Variants in UBE2E1 observed in about 807,000 individuals in gnomAD.
UBE2E1 encodes ubiquitin-conjugating enzyme E2 E1.
In UBE2E1, 6 loss-of-function variants were observed where a neutral mutation model predicts 21.4. The observed-to-expected ratio is 0.28, with a 90% CI of 0.15 to 0.55. The LOEUF (loss-of-function observed/expected upper bound fraction) is 0.55, where lower values mean the gene tolerates loss of function less well. Among genes scored for constraint, UBE2E1 ranks in the 20% least tolerant of loss-of-function variants. UBE2E1 has a pLI of 0.93. For synonymous variants in UBE2E1, 87 were observed against 82.7 expected (o/e 1.05, Z -0.28); for missense variants, 142 against 236.5 (o/e 0.60, Z 2.62).
In UBE2E1 at chr3:23,806,196, AG is replaced by A. The variant is rs1699261266; in HGVS notation, c.-34+111del. ...CGCGCCGCCGGGGCCGCCGGGCCGCAGGGCACGGGGCCGGCGCGGGGGGGGA... is the reference window on the plus strand; with the variant it reads ...CGCGCCGCCGGGGCCGCCGGGCCGCAGGCACGGGGCCGGCGCGGGGGGGGA... On this transcript the variant is annotated intron_variant, in intron 1 of 5. Coordinates refer to ENST00000306627, the MANE Select transcript of UBE2E1 (RefSeq NM_003341.5). The surrounding 1 kb of genome is among the most constrained non-coding windows in gnomAD (Gnocchi z 6.5). 1 of 143,938 alleles carries A rather than the reference AG, an allele frequency of 6.9e-6. No individual in the cohort carries two copies. Among genetic ancestry groups the A allele is most frequent in the African/African-American group, 2.5e-5 (1 of 39,540 alleles). 8.9% of individuals were successfully genotyped at this position (143,938 alleles called of 1,614,324 possible). A position where few individuals can be genotyped will look rare whatever the true frequency, so the allele number is the denominator to read the frequency against.
In UBE2E1 at chr3:23,836,299, A is replaced by T. The variant is rs1234324601; in HGVS notation, c.203+24789A>T. On this transcript the variant is annotated intron_variant, in intron 3 of 5. Coordinates refer to ENST00000306627, the MANE Select transcript of UBE2E1 (RefSeq NM_003341.5). The surrounding 1 kb of genome is among the most constrained non-coding windows in gnomAD (Gnocchi z 4.1). ...TAGGAAATAACTGATTTAGAATGCT[A>T]TATAAAAAAAGAGTTTCTCTTTTCA... Among the ~76,000 whole-genome samples, 1 of 152,234 alleles carries T rather than the reference A, an allele frequency of 6.6e-6. No individual in the cohort carries two copies. The highest frequency in any genetic ancestry group is 2.4e-5 in the African/African-American group (1 of 41,450).
intron 3 of UBE2E1, among the ~76,000 whole-genome samples, chr3:23,813,631 C>T (rs1453788540): frequency 6.6e-6 from 1 of 152,164 alleles, no homozygotes; most frequent in Non-Finnish European, 1.5e-5. Context: ...CAACCTCCAC[C>T]TCCCGGGTCC....
rs191980538 is a variant in UBE2E1, at chr3:23,828,184, G to A, written c.203+16674G>A. On this transcript the variant is annotated intron_variant, in intron 3 of 5. Transcript: ENST00000306627. ...CCTAACACCAGAAGATGCCTAAAAA[G>A]TATGAATGATTACTGAAACAAATTA... 1.9e-3 allele frequency among the ~76,000 whole-genome samples: 283 copies of A among 152,276 alleles called. 1 individual carries two copies. Among genetic ancestry groups the A allele is most frequent in the African/African-American group, 6.7e-3 (280 of 41,564 alleles).
At chr3:23,811,857 A>T (rs1699400350) in intron 3 of UBE2E1, among the ~76,000 whole-genome samples, 1 of 152,216 alleles carries the variant, frequency 6.6e-6, no homozygotes. Context: ...TTTGGTTTGG[A>T]AAACTGCTTT....
At chr3:23,866,051 C>T (rs747251003) in intron 3 of UBE2E1, among the ~76,000 whole-genome samples, 7 of 152,196 alleles carry the variant, frequency 4.6e-5, no homozygotes, top group Non-Finnish European at 8.8e-5. Context: ...AGACCCTCCC[C>T]TCCAAGCCCA....
Position 23,842,198 on chromosome 3 carries a change from G to GGGGGTGTGTGT in UBE2E1, c.203+30689_203+30690insGGGTGTGTGTG, listed in dbSNP as rs1553637704. Among the ~76,000 whole-genome samples, 4 of 104,284 alleles carry GGGGGTGTGTGT rather than the reference G, an allele frequency of 3.8e-5. No homozygotes were observed. Among genetic ancestry groups the GGGGGTGTGTGT allele is most frequent in the African/African-American group, 1.4e-4 (4 of 27,628 alleles). 68.4% of individuals were successfully genotyped at this position (104,284 alleles called of 152,430 possible). ...TATGTCATGACCCAGTAAGTGAAGGGGTGTGTGTGTGTGTGTGTGTGTGTG... is the reference window on the plus strand; with the variant it reads ...TATGTCATGACCCAGTAAGTGAAGGGGGGGTGTGTGTGTGTGTGTGTGTGTGTGTGTGTGTG... On this transcript the variant is annotated intron_variant, in intron 3 of 5. Coordinates refer to ENST00000306627, the MANE Select transcript of UBE2E1 (RefSeq NM_003341.5). The surrounding 1 kb of genome is among the most constrained non-coding windows in gnomAD (Gnocchi z 4.6).
chr3:23,828,034 G>T (rs755487633), intron 3 of UBE2E1, among the ~76,000 whole-genome samples: 5 of 152,082 alleles, frequency 3.3e-5, no homozygotes, highest in Admixed American at 6.5e-5. Flanking sequence ...GCTCTCATCT[G>T]TGTCCCAGGG....
Position 23,823,519 on chromosome 3 carries a change from C to T in UBE2E1, c.203+12009C>T, listed in dbSNP as rs1466909577. 6.6e-6 allele frequency among the ~76,000 whole-genome samples: 1 copy of T among 152,186 alleles called. No homozygotes were observed. The highest frequency in any genetic ancestry group is 2.4e-5 in the African/African-American group (1 of 41,442). On this transcript the variant is annotated intron_variant, in intron 3 of 5. Transcript: ENST00000306627. The surrounding 1 kb of genome is among the most constrained non-coding windows in gnomAD (Gnocchi z 4.2). ...CCTACTACCACTTACAACCTTTCCTCCTCTATGGGGGTACATCTCAATTTT... is the reference window on the plus strand; with the variant it reads ...CCTACTACCACTTACAACCTTTCCTTCTCTATGGGGGTACATCTCAATTTT...
intron 3 of UBE2E1, among the ~76,000 whole-genome samples, chr3:23,821,726 A>G (rs1699649779): frequency 1.3e-5 from 2 of 152,100 alleles, no homozygotes; most frequent in South Asian, 4.1e-4. Context: ...TGTTTTACTG[A>G]TAGGTAGACT....
chr3:23,810,276 T>C lies in UBE2E1; in HGVS notation c.153-1184T>C, dbSNP rs1479308294. ...CACCGTTTAGAAGGTGGAAGAAGCT[T>C]AGAGGCCCTAAACTGTCGTATTAAT... On this transcript the variant is annotated intron_variant, in intron 2 of 5. Coordinates refer to ENST00000306627, the MANE Select transcript of UBE2E1 (RefSeq NM_003341.5). This position sits in a 1 kb window ranked among gnomAD's most constrained non-coding sequence, Gnocchi z 5.8. Among the ~76,000 whole-genome samples, 1 of 152,122 alleles carries C rather than the reference T, an allele frequency of 6.6e-6. No individual in the cohort carries two copies. Among genetic ancestry groups the C allele is most frequent in the Admixed American group, 6.5e-5 (1 of 15,270 alleles).
At chr3:23,872,626 A>G (rs1292300406) in intron 3 of UBE2E1, among the ~76,000 whole-genome samples, 1 of 152,232 alleles carries the variant, frequency 6.6e-6, no homozygotes, top group Non-Finnish European at 1.5e-5. Flanking sequence ...TACCATATTC[A>G]CAATTAAAAC....
At chr3:23,849,709 A>C (rs1358182226) in intron 3 of UBE2E1, among the ~76,000 whole-genome samples, 1 of 152,204 alleles carries the variant, frequency 6.6e-6, no homozygotes, top group Non-Finnish European at 1.5e-5. Flanking sequence ...ATGGCTGCAT[A>C]GTATTCCATG....
intron 3 of UBE2E1, among the ~76,000 whole-genome samples, chr3:23,868,850 T>C (rs1003393994): frequency 9.9e-5 from 15 of 152,236 alleles, no homozygotes; most frequent in Non-Finnish European, 1.3e-4. Context: ...TTTTGCATAC[T>C]GTTGTGGAAC....
intron 3 of UBE2E1, among the ~76,000 whole-genome samples, chr3:23,817,029 C>T (rs769899757): frequency 1.3e-5 from 2 of 152,152 alleles, no homozygotes; most frequent in South Asian, 2.1e-4. Context: ...AACAGTTATA[C>T]CACTGTTAAA....
At chr3:23,807,204 G>A (rs1453171463) in intron 1 of UBE2E1, 33 bp from the exon 2 acceptor site, 10 of 1,535,030 alleles carry the variant, frequency 6.5e-6, no homozygotes, top group Non-Finnish European at 8.8e-6. Flanking sequence ...TGCATGGTTT[G>A]TGTGTTTCTG....
At chr3:23,812,351 G>T (rs867176927) in intron 3 of UBE2E1, among the ~76,000 whole-genome samples, 24 of 152,224 alleles carry the variant, frequency 1.6e-4, no homozygotes, top group Middle Eastern at 3.2e-3. Context: ...GGAAAGGGAT[G>T]TGAGATTTCA....
At position 23,823,755 on chromosome 3, in the gene UBE2E1, C is replaced by T. The variant is rs1057346623; in HGVS notation, c.203+12245C>T. Among the ~76,000 whole-genome samples, 80 of 152,100 alleles carry T rather than the reference C, an allele frequency of 5.3e-4. No homozygotes were observed. Among genetic ancestry groups the T allele is most frequent in the Admixed American group, 4.6e-4 (7 of 15,280 alleles). On this transcript the variant is annotated intron_variant, in intron 3 of 5. Coordinates refer to ENST00000306627, the MANE Select transcript of UBE2E1 (RefSeq NM_003341.5). This position sits in a 1 kb window ranked among gnomAD's most constrained non-coding sequence, Gnocchi z 4.2. ...ACCTAAGTAAATATTTCAGAACCAA[C>T]GTATGTTAAGTGATTATAGTAATGT...
chr3:23,858,628 T>C (rs994427072), intron 3 of UBE2E1, among the ~76,000 whole-genome samples: 5 of 152,204 alleles, frequency 3.3e-5, no homozygotes, highest in African/African-American at 1.2e-4. Flanking sequence ...CCAGGAACTT[T>C]ATGACAATGG....
chr3:23,872,890 G>A (rs1211082070), intron 3 of UBE2E1, among the ~76,000 whole-genome samples: 2 of 151,994 alleles, frequency 1.3e-5, no homozygotes, highest in African/African-American at 4.8e-5. Flanking sequence ...GGTGGCGCAT[G>A]CCTGTAGTCC....
Sources: allele counts gnomAD v4.1 joint callset (sites outside exome capture counted in the v4.1 genomes callset), GRCh38; gene constraint gnomAD v4.1.1; non-coding constraint Gnocchi (gnomAD v3.1); transcripts MANE v1.5; gene names NCBI Gene and HGNC (gene_info 2026-07-23, HGNC 2026-07-21).